SALL3: variants seen among roughly 807,000 people sequenced by gnomAD.
The protein encoded by SALL3 is spalt like transcription factor 3.
In SALL3, 25 loss-of-function variants were observed where a neutral mutation model predicts 66.2. That is an observed-to-expected ratio of 0.38 (90% CI 0.28 to 0.53). The LOEUF (loss-of-function observed/expected upper bound fraction) is 0.53. Among genes scored for constraint, SALL3 ranks in the 20% least tolerant of loss-of-function variants. The pLI is 0.85. For missense variants in SALL3, 2,194 were observed against 1,916.5 expected, an observed-to-expected ratio of 1.14 and a Z score of -2.70; for synonymous variants, 1,152 against 899.1, an observed-to-expected ratio of 1.28 and a Z score of -5.03.
rs1914729902 is a variant in SALL3 at position 78,997,270 on chromosome 18, G to A, written c.3851G>A (p.Ser1284Asn). ...AAAGCGAGCTCAGAAACAGCAGCCA[G>A]CCGCCCATTCACGCGGTTTATCGAG... ...LDKASSETAA[S>N]RPFTRFIEDN... is the part of the protein sequence containing the mutation. The change falls in exon 3 of 3, where the codon AGC becomes AAC. Residue 1284 changes from serine (S) to asparagine (N), a missense_variant. Coordinates refer to ENST00000537592, the MANE Select transcript of SALL3 (RefSeq NM_171999.4). 6.2e-7 allele frequency: 1 copy of A among 1,614,012 alleles called. No homozygotes were observed. The highest frequency in any genetic ancestry group is 8.5e-7 in the Non-Finnish European group (1 of 1,180,044).
At chr18:78,984,656 C>G (rs574188420) in intron 1 of SALL3, among the ~76,000 whole-genome samples, 2 of 151,836 alleles carry the variant, frequency 1.3e-5, no homozygotes, top group South Asian at 4.2e-4. Context: ...GGTTATTTCT[C>G]ATGTAATTTC....
chr18:78,981,402 A>G (rs1051657159), intron 1 of SALL3, among the ~76,000 whole-genome samples: 4 of 152,250 alleles, frequency 2.6e-5, no homozygotes, highest in African/African-American at 9.6e-5. Context: ...AGGCAGGCCA[A>G]CTTTTATGAT....
intron 2 of SALL3, 148 bp downstream of exon 2, chr18:78,995,610 G>C: frequency 1.5e-6 from 2 of 1,307,636 alleles, no homozygotes; most frequent in Non-Finnish European, 2.0e-6. Flanking sequence ...GTGTGTGCGT[G>C]ATGTGTGCGT....
chr18:78,993,129 A>T lies in SALL3; in HGVS notation c.1138A>T (p.Ile380Phe), dbSNP rs780061115. The change falls in exon 2 of 3, where the codon ATC (isoleucine) becomes TTC (phenylalanine). Residue 380 changes from isoleucine to phenylalanine, a missense_variant. Coordinates refer to ENST00000537592, the MANE Select transcript of SALL3 (RefSeq NM_171999.4). Reference sequence around the variant, plus strand: ...CATCTTCCCCAACCCGCTGGTCAGCATCGCGGCCACGGCCAACGCTCTGGA... The same window carrying T: ...CATCTTCCCCAACCCGCTGGTCAGCTTCGCGGCCACGGCCAACGCTCTGGA... ...GVIFPNPLVS[I>F]AATANALDPL... 1.2e-6 allele frequency: 2 copies of T among 1,605,526 alleles called. No individual in the cohort carries two copies. The highest frequency in any genetic ancestry group is 1.3e-5 in the African/African-American group (1 of 74,792).
In SALL3 at chr18:78,992,651, G is replaced by C. The variant is rs758202338; in HGVS notation, c.660G>C (p.Leu220=). 1 of 1,547,428 alleles carries C rather than the reference G, an allele frequency of 6.5e-7. No homozygotes were observed. The highest frequency in any genetic ancestry group is 1.7e-5 in the Admixed American group (1 of 57,166). Residue 220 remains leucine (L), a synonymous_variant, in exon 2 of 3, where the codon CTG becomes CTC. Transcript: ENST00000537592. ...TGCAGCAGCAGCAGATCCACCAGCT[G>C]CAGCTCATCGAGCAGATCCGCAGCC... ...MALQQQQIHQ[L]QLIEQIRSQV...
intron 1 of SALL3, among the ~76,000 whole-genome samples, chr18:78,987,683 A>G (rs936272870): frequency 6.6e-6 from 1 of 152,232 alleles, no homozygotes; most frequent in Admixed American, 6.5e-5. Flanking sequence ...GTTGTGGCAG[A>G]GCAGGTCCTG....
In SALL3 at chr18:78,993,685, CCTT is replaced by C. The variant is rs1174636709; in HGVS notation, c.1695_1697del (p.Leu566del). The C allele has an allele frequency of 3.2e-6, 5 of 1,583,516 alleles. No individual in the cohort carries two copies. The African/African-American group carries it at 5.4e-5, about 17-fold the overall frequency. Reference sequence around the variant, plus strand: ...TCGCCCGCCTCCAGCGAGTGCGCCTCCTTGTCCCCAGGCCTCAACCACGTGGAG... The same window carrying C: ...TCGCCCGCCTCCAGCGAGTGCGCCTCGTCCCCAGGCCTCAACCACGTGGAG... On this transcript the variant is annotated inframe_deletion, in exon 2 of 3. Coordinates refer to ENST00000537592, the MANE Select transcript of SALL3 (RefSeq NM_171999.4).
chr18:78,995,499 C>T (rs542749445), intron 2 of SALL3, 37 bp downstream of exon 2: 4 of 1,492,714 alleles, frequency 2.7e-6, no homozygotes, highest in East Asian at 4.7e-5. Context: ...GGCTGCGGTG[C>T]GGCCGAGCCA....
chr18:78,995,674 AC>A (rs1166472994), intron 2 of SALL3, among the ~76,000 whole-genome samples: 1 of 144,432 alleles, frequency 6.9e-6, no homozygotes. Context: ...AGTAGCGTGT[AC>A]CTATGTGTGT....
chr18:78,985,271 C>T (rs1384040784), intron 1 of SALL3, among the ~76,000 whole-genome samples: 1 of 152,228 alleles, frequency 6.6e-6, no homozygotes, highest in African/African-American at 2.4e-5. Flanking sequence ...CGAGCTTGCG[C>T]CGTGCTGCAC....
intron 1 of SALL3, 62 bp downstream of exon 1, chr18:78,980,418 C>A: frequency 2.8e-6 from 3 of 1,071,960 alleles, no homozygotes; most frequent in Non-Finnish European, 3.6e-6. Flanking sequence ...GCTGGGGAAG[C>A]GCGTGCGGCG....
chr18:78,993,021 C>A lies in SALL3; in HGVS notation c.1030C>A (p.Pro344Thr), dbSNP rs1219179169. 6.5e-7 allele frequency: 1 copy of A among 1,547,726 alleles called. No individual in the cohort carries two copies. Among genetic ancestry groups the A allele is most frequent in the Non-Finnish European group, 8.7e-7 (1 of 1,155,228 alleles). The change falls in exon 2 of 3, where the codon CCT becomes ACT. Residue 344 changes from proline (P) to threonine (T), a missense_variant. Physicochemically the swap from Pro to Thr is conservative, Grantham distance 38. Coordinates refer to ENST00000537592, the MANE Select transcript of SALL3 (RefSeq NM_171999.4). ...GCAGCCGCAGAGCGCATCCACGCCGCCTGCCCTGGCCCCGGGGTCCCTGCT... is the reference window on the plus strand; with the variant it reads ...GCAGCCGCAGAGCGCATCCACGCCGACTGCCCTGGCCCCGGGGTCCCTGCT... ...SSQPQSASTP[P>T]ALAPGSLLGA...
chr18:78,981,955 G>T (rs1039342269), intron 1 of SALL3, among the ~76,000 whole-genome samples: 1 of 152,176 alleles, frequency 6.6e-6, no homozygotes, highest in African/African-American at 2.4e-5. Flanking sequence ...TGTGGCTCCT[G>T]AATGGCTTAA....
At chr18:78,982,843 C>CTGTAGATTT (rs1305539687) in intron 1 of SALL3, among the ~76,000 whole-genome samples, 3 of 152,148 alleles carry the variant, frequency 2.0e-5, no homozygotes, top group African/African-American at 7.2e-5. Context: ...GCAGGTCCAT[C>CTGTAGATTT]TACATGCAGT....
chr18:78,995,243 C>A lies in SALL3; in HGVS notation c.3252C>A (p.Val1084=). 1 of 1,601,682 alleles carries A rather than the reference C, an allele frequency of 6.2e-7. No homozygotes were observed. The part of the protein sequence containing the change: ...LGEGPPLPAG[V]QVPAGPQTVM... ...AGGGTCCCCCGCTGCCCGCGGGCGT[C>A]CAGGTCCCCGCCGGGCCTCAGACAG... The change falls in exon 2 of 3, where the codon GTC becomes GTA. Residue 1084 remains valine (V), a synonymous_variant. Transcript: ENST00000537592.
At position 78,993,723 on chromosome 18, in the gene SALL3, T is replaced by G. The variant is rs1001540825; in HGVS notation, c.1732T>G (p.Ser578Ala). The G allele has an allele frequency of 3.1e-5, 48 of 1,552,490 alleles. No individual in the cohort carries two copies. Among genetic ancestry groups the G allele is most frequent in the Non-Finnish European group, 3.6e-5 (42 of 1,158,128 alleles). ...CCTCAACCACGTGGAGTCCGGCGTG[T>G]CGGCCACCGCCGAGTCCCCACAGTC... The part of the protein sequence containing the change: ...PGLNHVESGV[S>A]ATAESPQSLL... Residue 578 changes from serine (S) to alanine (A), a missense_variant, in exon 2 of 3, where the codon TCG (serine) becomes GCG (alanine). Ser to Ala is a moderately conservative substitution (Grantham distance 99). Transcript: ENST00000537592.
At chr18:78,995,613 G>A in intron 2 of SALL3, 151 bp downstream of exon 2, 1 of 1,295,570 alleles carries the variant, frequency 7.7e-7, no homozygotes. Context: ...TGTGCGTGAT[G>A]TGTGCGTGTT....
chr18:78,995,356 TCTC>T lies in SALL3; in HGVS notation c.3369_3371del (p.Ser1124del). The T allele has an allele frequency of 6.3e-7, 1 of 1,576,718 alleles. No homozygotes were observed. Among genetic ancestry groups the T allele is most frequent in the Non-Finnish European group, 8.6e-7 (1 of 1,168,608 alleles). ...AACTGCCAGTCGTGCGGGAAGACCT[TCTC>T]CTCGGCCAGCGCCCTGCAGATCCAT... On this transcript the variant is annotated inframe_deletion, in exon 2 of 3. Transcript: ENST00000537592.
In SALL3 at chr18:78,979,921, C is replaced by G. The variant is rs1913929406; in HGVS notation, c.-354C>G. Among the ~76,000 whole-genome samples the G allele has an allele frequency of 6.9e-6, 1 of 144,486 alleles. No individual in the cohort carries two copies. The highest frequency in any genetic ancestry group is 2.1e-4 in the South Asian group (1 of 4,740). 94.8% of individuals were successfully genotyped at this position (144,486 alleles called of 152,430 possible). ...ACCCGGGCCCCGCCACAGCCGCACC[C>G]GGGGCGGCCGAGGAGCGCGGCGCCG... is the stretch of plus-strand genomic sequence containing the variant. On this transcript the variant is annotated 5_prime_UTR_variant, in exon 1 of 3. Transcript: ENST00000537592.
Sources: allele counts gnomAD v4.1 joint callset (sites outside exome capture counted in the v4.1 genomes callset), GRCh38; gene constraint gnomAD v4.1.1; transcripts MANE v1.5; gene names NCBI Gene and HGNC (gene_info 2026-07-23, HGNC 2026-07-21).